The following DNASE1 variants were observed in gnomAD, a reference collection of about 807,000 sequenced individuals.
DNASE1 encodes the protein deoxyribonuclease-1.
DNASE1 carries 40 observed loss-of-function variants against 33.9 expected under a neutral mutation model. That is an observed-to-expected ratio of 1.18 (90% CI 0.92 to 1.54). The LOEUF is 1.54. Among genes scored for constraint, DNASE1 ranks in the 40% most tolerant of loss-of-function variants. DNASE1 has a pLI of 0.00. For synonymous variants in DNASE1, 216 were observed against 160.0 expected, an observed-to-expected ratio of 1.35 and a Z score of -2.64; for missense variants, 518 against 372.6, an observed-to-expected ratio of 1.39 and a Z score of -3.21.
upstream of DNASE1, chr16:3,654,607 C>T (rs1424140570): frequency 5.0e-6 from 2 of 398,624 alleles, no homozygotes; most frequent in Non-Finnish European, 8.8e-6. Flanking sequence ...ATGGGGGCCA[C>T]CACACGTGCA....
chr16:3,658,330 A>G (rs2042844615), downstream of DNASE1: 1 of 959,090 alleles, frequency 1.0e-6, no homozygotes, highest in South Asian at 1.5e-5. Flanking sequence ...GCTGGAGTGC[A>G]GAGGCACGAT....
downstream of DNASE1, chr16:3,659,017 TATC>T (rs2042904853): frequency 4.5e-5 from 33 of 729,454 alleles, no homozygotes; most frequent in South Asian, 6.3e-4. Context: ...TTATAGATAA[TATC>T]ATTATATACC....
chr16:3,647,567 C>CG (rs2042211055), intron 1 of DNASE1, among the ~76,000 whole-genome samples: 1 of 152,112 alleles, frequency 6.6e-6, no homozygotes, highest in African/African-American at 2.4e-5. Context: ...AGGCACCACA[C>CG]GCAGCCAGAA....
At chr16:3,661,865 T>C (rs2043095520), downstream of DNASE1, 1 of 1,297,722 alleles carries the variant, frequency 7.7e-7, no homozygotes, top group East Asian at 2.7e-5. Flanking sequence ...CTCCTTATAG[T>C]TACCCACATG....
chr16:3,628,654 G>A (rs2041598500), intron 1 of DNASE1, among the ~76,000 whole-genome samples: 1 of 151,212 alleles, frequency 6.6e-6, no homozygotes, highest in Non-Finnish European at 1.5e-5. Flanking sequence ...CGCCTCCCGG[G>A]TTCACGCCAT....
chr16:3,619,188 C>T (rs2041213413), intron 1 of DNASE1, among the ~76,000 whole-genome samples: 1 of 151,912 alleles, frequency 6.6e-6, no homozygotes. Flanking sequence ...GCATGTAAAA[C>T]CACACCTGGC....
chr16:3,657,807 T>A lies in DNASE1; in HGVS notation c.792T>A (p.Ser264Arg), dbSNP rs532087992. The A allele has an allele frequency of 3.1e-6, 5 of 1,613,976 alleles. No homozygotes were observed. In the African/African-American group the frequency reaches 4.0e-5, roughly 13 times the overall value. The change falls in exon 8 of 9, where the codon AGT (serine) becomes AGA (arginine). Residue 264 changes from serine (S) to arginine (R), a missense_variant. Ser to Arg is a moderately radical substitution (Grantham distance 110, BLOSUM62 -1). Transcript: ENST00000246949. ...PFNFQAAYGLSDQLAQAISDH... is the reference protein window; with the variant it reads ...PFNFQAAYGLRDQLAQAISDH... Reference sequence around the variant, plus strand: ...ACTTCCAGGCTGCCTATGGCCTGAGTGACCAACTGGTATGTGTCCTCCCTT... The same window carrying A: ...ACTTCCAGGCTGCCTATGGCCTGAGAGACCAACTGGTATGTGTCCTCCCTT...
intron 1 of DNASE1, 148 bp from the exon 2 acceptor site, chr16:3,655,225 G>C: frequency 8.7e-7 from 1 of 1,143,996 alleles, no homozygotes; most frequent in Non-Finnish European, 1.2e-6. Context: ...TTGGCTTTCT[G>C]GACGTTGTAG....
chr16:3,664,551 C>A, exon 10 of DNASE1: 1 of 1,353,668 alleles, frequency 7.4e-7, no homozygotes. Context: ...ATGCCCATGG[C>A]CTCCTGGCAC....
chr16:3,631,228 A>G (rs899758800), intron 1 of DNASE1, among the ~76,000 whole-genome samples: 6 of 151,788 alleles, frequency 4.0e-5, no homozygotes, highest in African/African-American at 1.5e-4. Flanking sequence ...TTTGAGACAG[A>G]GTCTTGGTCT....
At chr16:3,639,926 G>A (rs1296342981), upstream of DNASE1, among the ~76,000 whole-genome samples, 1 of 152,188 alleles carries the variant, frequency 6.6e-6, no homozygotes, top group Non-Finnish European at 1.5e-5. Context: ...ATTGGCTGGT[G>A]AATTTTGTTG....
downstream of DNASE1, chr16:3,662,144 GC>G: frequency 6.2e-7 from 1 of 1,608,204 alleles, no homozygotes; most frequent in Non-Finnish European, 8.5e-7. Context: ...TGTGAGCAAA[GC>G]CCGGGGTTGA....
upstream of DNASE1, among the ~76,000 whole-genome samples, chr16:3,642,358 G>A (rs552185893): frequency 3.4e-4 from 52 of 152,344 alleles, no homozygotes; most frequent in African/African-American, 1.1e-3. Context: ...GCCAGGCCAT[G>A]GGATGTGGAG....
upstream of DNASE1, chr16:3,652,238 C>T (rs2042359805): frequency 6.6e-6 from 1 of 152,350 alleles, no homozygotes. Context: ...GAACCCTCGT[C>T]CCACGTGCTG....
rs758894942 is a variant in DNASE1, at chr16:3,656,109, C to CCAGA, written c.247_250dup (p.Thr84ArgfsTer9). On this transcript the variant is annotated frameshift_variant, in exon 4 of 9. Transcript: ENST00000246949. LOFTEE classifies it high-confidence loss of function. Reference sequence around the variant, plus strand: ...TTTGTTTCTTCAATCCAGGGATGCACCAGACACCTATCACTACGTGGTCAG... The same window carrying CCAGA: ...TTTGTTTCTTCAATCCAGGGATGCACCAGACAGACACCTATCACTACGTGGTCAG... 8.1e-6 allele frequency: 13 copies of CCAGA among 1,614,106 alleles called. No individual in the cohort carries two copies. The Admixed American group carries it at 1.7e-4, about 21-fold the overall frequency.
At chr16:3,653,255 C>T (rs2042398000), upstream of DNASE1, 1 of 152,198 alleles carries the variant, frequency 6.6e-6, no homozygotes, top group South Asian at 2.1e-4. Flanking sequence ...CCCCAACCGC[C>T]CGGAGCCTCC....
chr16:3,635,742 C>G (rs1176578589), intron 1 of DNASE1, among the ~76,000 whole-genome samples: 1 of 150,664 alleles, frequency 6.6e-6, no homozygotes, highest in Non-Finnish European at 1.5e-5. Context: ...TATAAATATT[C>G]CCTCTACTGT....
chr16:3,648,431 G>A (rs555106402), intron 1 of DNASE1, among the ~76,000 whole-genome samples: 85 of 152,106 alleles, frequency 5.6e-4, no homozygotes, highest in African/African-American at 1.6e-3. Flanking sequence ...GCGTGGTGGC[G>A]GGCGCCTGTA....
At chr16:3,655,616 G>A (rs2042554260) in intron 2 of DNASE1, 96 bp downstream of exon 2, 6 of 1,578,926 alleles carry the variant, frequency 3.8e-6, no homozygotes, top group South Asian at 2.2e-5. Flanking sequence ...GGTGTCGGGT[G>A]TGGGGTACTG....
Sources: gnomAD v4.1 joint callset for allele counts (sites outside exome capture counted in the v4.1 genomes callset) on GRCh38, gnomAD v4.1.1 for gene constraint, MANE v1.5 for transcripts, NCBI Gene and HGNC (gene_info 2026-07-23, HGNC 2026-07-21) for gene names.